TECTA: variants seen among roughly 807,000 people sequenced by gnomAD.
TECTA encodes the protein alpha-tectorin.
Under a neutral mutation model 216.8 loss-of-function variants are expected in TECTA, and 128 were observed. The ratio of observed to expected loss-of-function variants is 0.59; its 90% confidence interval spans 0.51 to 0.68. The LOEUF (loss-of-function observed/expected upper bound fraction) is 0.68, where lower values mean the gene tolerates loss of function less well. Among genes scored for constraint, TECTA ranks in the 30% least tolerant of loss-of-function variants. The pLI, the probability that TECTA is intolerant of heterozygous loss-of-function variation, is 0.00. For missense variants in TECTA, 2,551 were observed against 2,786.2 expected (o/e 0.92, Z 1.90); for synonymous variants, 1,089 against 1,117.1 (o/e 0.97, Z 0.50).
At chr11:121,112,921 T>C (rs888628287) in intron 4 of TECTA, 151 bp from the exon 5 acceptor site, 7 of 902,694 alleles carry the variant, frequency 7.8e-6, no homozygotes, top group Admixed American at 2.1e-5. Flanking sequence ...CGAGAACAAA[T>C]TCAGAGAGGA....
chr11:121,107,865 CAGTGTAA>C (rs1282838010), intron 3 of TECTA, among the ~76,000 whole-genome samples: 1 of 152,176 alleles, frequency 6.6e-6, no homozygotes, highest in Non-Finnish European at 1.5e-5. Context: ...TTTACATAAA[CAGTGTAA>C]AGTAGTCATG....
chr11:121,104,388 G>A (rs1409052923), intron 2 of TECTA, among the ~76,000 whole-genome samples: 2 of 152,170 alleles, frequency 1.3e-5, no homozygotes, highest in Admixed American at 6.5e-5. Flanking sequence ...CCGACACAGC[G>A]CCTCCTACAG....
At position 121,109,563 on chromosome 11, in the gene TECTA, T is replaced by C. The variant is rs138954238; in HGVS notation, c.486+65T>C. 164 of 1,572,236 alleles carry C rather than the reference T, an allele frequency of 1.0e-4. No individual in the cohort carries two copies. In the African/African-American group the frequency reaches 1.7e-3, roughly 16 times the overall value. ...ACATCTAATTCTTGTCCATCTTCGC[T>C]ACCACGAAGGAGTCTAATTATTAGA... On this transcript the variant is annotated intron_variant, in intron 4 of 23. Transcript: ENST00000392793.
In TECTA at chr11:121,129,975, T is replaced by C. The variant is rs774026959; in HGVS notation, c.2705T>C (p.Leu902Pro). Residue 902 changes from leucine to proline, a missense_variant, in exon 10 of 24, where the codon CTG becomes CCG. By Grantham distance (98) the Leu-to-Pro change is moderately conservative (BLOSUM62 -3). Coordinates refer to ENST00000392793, the MANE Select transcript of TECTA (RefSeq NM_005422.4). The stretch of plus-strand genomic sequence containing the variant: ...AAGGCCTGCAACAATGACTCGGAGC[T>C]GCTCAAGTTTTATCGAAGCCGCTCC... ...LLKACNNDSE[L>P]LKFYRSRSRC... 6.2e-7 allele frequency: 1 copy of C among 1,605,302 alleles called. No individual in the cohort carries two copies. Among genetic ancestry groups the C allele is most frequent in the East Asian group, 2.2e-5 (1 of 44,734 alleles).
intron 20 of TECTA, among the ~76,000 whole-genome samples, chr11:121,186,476 C>A (rs1947289841): frequency 6.6e-6 from 1 of 152,152 alleles, no homozygotes; most frequent in African/African-American, 2.4e-5. Context: ...TTTCTGATAC[C>A]TAAATGTCAA....
At chr11:121,188,895 T>C (rs2134216681) in intron 21 of TECTA, among the ~76,000 whole-genome samples, 185 bp from the exon 22 acceptor site, 1 of 152,248 alleles carries the variant, frequency 6.6e-6, no homozygotes, top group East Asian at 1.9e-4. Context: ...TGTATTTAAT[T>C]CTGTTCAACA....
chr11:121,159,004 C>T (rs1487166620), intron 14 of TECTA, among the ~76,000 whole-genome samples: 1 of 152,162 alleles, frequency 6.6e-6, no homozygotes, highest in Non-Finnish European at 1.5e-5. Flanking sequence ...AGGATGGAGC[C>T]AGGCCCTGGC....
intron 4 of TECTA, chr11:121,110,380 A>G (rs756975391): frequency 2.6e-5 from 4 of 151,576 alleles, no homozygotes; most frequent in African/African-American, 4.8e-5. Context: ...CAACGAGTCA[A>G]TTGTGGAGGG....
At chr11:121,115,886 G>C (rs1249567078) in intron 6 of TECTA, among the ~76,000 whole-genome samples, 1 of 152,060 alleles carries the variant, frequency 6.6e-6, no homozygotes, top group Admixed American at 6.6e-5. Context: ...CAAACTCCTG[G>C]TCTCAAGCCA....
chr11:121,121,749 G>C (rs1591441333), intron 7 of TECTA, among the ~76,000 whole-genome samples: 1 of 152,326 alleles, frequency 6.6e-6, no homozygotes, highest in East Asian at 1.9e-4. Flanking sequence ...CATGGCTTCT[G>C]CTTTGGGACA....
rs894853401 is a variant in TECTA at position 121,166,686 on chromosome 11, G to A, written c.5492G>A (p.Arg1831Lys). 6.2e-7 allele frequency: 1 copy of A among 1,614,048 alleles called. No individual in the cohort carries two copies. The highest frequency in any genetic ancestry group is 1.3e-5 in the African/African-American group (1 of 74,900). ...FQLGFEREGVRINDRQCTGIE... is the reference protein window; with the variant it reads ...FQLGFEREGVKINDRQCTGIE... ...CTCGGTTTTGAGAGGGAGGGCGTGA[G>A]GATCAATGACAGACAGTGCACCGGC... Residue 1831 changes from arginine (R) to lysine (K), a missense_variant, in exon 18 of 24, where the codon AGG (arginine) becomes AAG (lysine). Coordinates refer to ENST00000392793, the MANE Select transcript of TECTA (RefSeq NM_005422.4).
chr11:121,184,651 C>T (rs1286627232), intron 20 of TECTA, among the ~76,000 whole-genome samples: 1 of 152,204 alleles, frequency 6.6e-6, no homozygotes, highest in Non-Finnish European at 1.5e-5. Flanking sequence ...AGGCTAGGCA[C>T]AGCGCTCACT....
intron 12 of TECTA, among the ~76,000 whole-genome samples, chr11:121,151,971 C>T (rs1946894676): frequency 6.6e-6 from 1 of 152,218 alleles, no homozygotes; most frequent in Non-Finnish European, 1.5e-5. Context: ...TACATGCCAA[C>T]CACTGTTCTG....
At position 121,113,803 on chromosome 11, in the gene TECTA, C is replaced by A; in HGVS notation, c.790+85C>A. 1.3e-6 allele frequency: 2 copies of A among 1,500,918 alleles called. No homozygotes were observed. Among genetic ancestry groups the A allele is most frequent in the South Asian group, 1.2e-5 (1 of 85,866 alleles). The allele number at this position is 1,500,918 out of a possible 1,614,324, so 93.0% of individuals were successfully genotyped here. A position where few individuals can be genotyped will look rare whatever the true frequency, so the allele number is the denominator to read the frequency against. ...AGCTTTTAAGCCACGGGGGCGGACT[C>A]ATTCCTGATGCCTTACTCTTTTGAC... On this transcript the variant is annotated intron_variant, in intron 6 of 23. Transcript: ENST00000392793. The surrounding 1 kb of genome is among the most constrained non-coding windows in gnomAD (Gnocchi z 4.2).
chr11:121,158,355 A>C, intron 14 of TECTA, 131 bp downstream of exon 14: 2 of 1,280,640 alleles, frequency 1.6e-6, no homozygotes, highest in Non-Finnish European at 1.1e-6. Context: ...ACACACAGTG[A>C]CCAGGTTTTA....
chr11:121,190,596 C>A (rs1947331610), intron 23 of TECTA, 110 bp from the exon 24 acceptor site: 8 of 853,240 alleles, frequency 9.4e-6, no homozygotes, highest in East Asian at 2.6e-5. Flanking sequence ...AAAATGGGTT[C>A]TTGGCAATGA....
At chr11:121,117,041 AC>A (rs1297657331) in intron 6 of TECTA, among the ~76,000 whole-genome samples, 2 of 152,206 alleles carry the variant, frequency 1.3e-5, no homozygotes, top group African/African-American at 4.8e-5. Flanking sequence ...TGTTACTGAT[AC>A]ACCCGCACCC....
chr11:121,128,001 G>A lies in TECTA; in HGVS notation c.2024G>A (p.Cys675Tyr). Reference protein sequence around the residue: ...FWATANCTVQCLCEEGGDVYC... With the variant: ...FWATANCTVQYLCEEGGDVYC... ...GCCACGGCCAACTGCACTGTGCAAT[G>A]CCTGTGCGAGGAGGGCGGGGACGTC... is the stretch of plus-strand genomic sequence containing the variant. Residue 675 changes from cysteine (C) to tyrosine (Y), a missense_variant, in exon 9 of 24, where the codon TGC becomes TAC. Cys to Tyr is a radical substitution (Grantham distance 194, BLOSUM62 -2). Transcript: ENST00000392793. 1 of 1,614,032 alleles carries A rather than the reference G, an allele frequency of 6.2e-7. No homozygotes were observed. The highest frequency in any genetic ancestry group is 8.5e-7 in the Non-Finnish European group (1 of 1,180,018).
rs1311617539 is a variant in TECTA, at chr11:121,137,871, GC to G, written c.3393del (p.Ser1131ArgfsTer33). On this transcript the variant is annotated frameshift_variant, in exon 11 of 24. Transcript: ENST00000392793. LOFTEE classifies it high-confidence loss of function. ...CCACTCATCCTGTGCACCACAGGAA[GC>G]AGGCCAAGCTCAGACTCTTTCCCCA... ...SCPLILCTTG[S>X]RPSSDSFPKF... 23 of 1,604,882 alleles carry G rather than the reference GC, an allele frequency of 1.4e-5. No individual in the cohort carries two copies. Among genetic ancestry groups the G allele is most frequent in the Non-Finnish European group, 2.0e-5 (23 of 1,172,800 alleles).
Sources: gnomAD v4.1 joint callset for allele counts (sites outside exome capture counted in the v4.1 genomes callset) on GRCh38, gnomAD v4.1.1 for gene constraint, Gnocchi (gnomAD v3.1) non-coding constraint, MANE v1.5 for transcripts, NCBI Gene and HGNC (gene_info 2026-07-23, HGNC 2026-07-21) for gene names.